The following LRP1B variants were observed in gnomAD, a reference collection of about 807,000 sequenced individuals.
LRP1B encodes the protein low-density lipoprotein receptor-related protein 1B.
Under a neutral mutation model 556.6 loss-of-function variants are expected in LRP1B, and 217 were observed. The ratio of observed to expected loss-of-function variants is 0.39; its 90% CI spans 0.35 to 0.44. LRP1B has a LOEUF of 0.44. Ranked by LOEUF, LRP1B falls within the 20% of genes least tolerant of loss-of-function variation. LRP1B has a pLI of 1.00. For missense variants in LRP1B, 5,053 were observed against 5,620.8 expected (o/e 0.90, Z 3.23); for synonymous variants, 2,047 against 1,865.8 (o/e 1.10, Z -2.50).
chr2:140,754,219 G>A (rs756980328), intron 35 of LRP1B, among the ~76,000 whole-genome samples: 5 of 152,180 alleles, frequency 3.3e-5, no homozygotes, highest in Non-Finnish European at 5.9e-5. Flanking sequence ...AGAGCAGGCT[G>A]CAGTTTTACG....
chr2:141,577,545 A>G (rs543295347), intron 2 of LRP1B, among the ~76,000 whole-genome samples: 15 of 152,332 alleles, frequency 9.8e-5, no homozygotes, highest in African/African-American at 3.6e-4. Flanking sequence ...GTACCATGAC[A>G]CAAGTAACTT....
chr2:141,399,281 C>T lies in LRP1B; in HGVS notation c.343+81115G>A, dbSNP rs1231424784. ...GAAATAAATAAATAAAGCCAAATTC[C>T]ATCTCATTTTAATGTTAAAATCCCA... On this transcript the variant is annotated intron_variant, in intron 3 of 90. Transcript: ENST00000389484. Among the ~76,000 whole-genome samples, 3 of 151,924 alleles carry T rather than the reference C, an allele frequency of 2.0e-5. No individual in the cohort carries two copies. In the South Asian group the frequency reaches 6.2e-4, roughly 31 times the overall value.
At chr2:141,817,077 A>AAT (rs1284780752) in intron 1 of LRP1B, among the ~76,000 whole-genome samples, 3 of 152,182 alleles carry the variant, frequency 2.0e-5, no homozygotes, top group Non-Finnish European at 4.4e-5. Flanking sequence ...ATTACTTAAA[A>AAT]ATATATCCAC....
intron 3 of LRP1B, among the ~76,000 whole-genome samples, chr2:141,298,655 G>T (rs768122926): frequency 5.3e-5 from 8 of 151,998 alleles, no homozygotes; most frequent in Non-Finnish European, 8.8e-5. Context: ...GCCTTTCTCT[G>T]TAATAAACTG....
intron 82 of LRP1B, among the ~76,000 whole-genome samples, chr2:140,318,657 C>G (rs537498739): frequency 2.0e-5 from 3 of 152,092 alleles, no homozygotes; most frequent in Admixed American, 2.0e-4. Context: ...TTTCCAATAA[C>G]TCTGGAAATG....
intron 84 of LRP1B, among the ~76,000 whole-genome samples, chr2:140,282,460 C>CT (rs2104968171): frequency 6.6e-6 from 1 of 151,882 alleles, no homozygotes; most frequent in African/African-American, 2.4e-5. Flanking sequence ...AGGATAAACT[C>CT]TTATTTTTCA....
chr2:141,089,186 G>T (rs536979472), intron 7 of LRP1B, among the ~76,000 whole-genome samples: 2 of 152,250 alleles, frequency 1.3e-5, no homozygotes, highest in South Asian at 4.1e-4. Context: ...AATATACACA[G>T]CCACCCTTCA....
chr2:140,460,161 A>C (rs1687258884), intron 60 of LRP1B, among the ~76,000 whole-genome samples: 1 of 152,146 alleles, frequency 6.6e-6, no homozygotes, highest in Admixed American at 6.5e-5. Flanking sequence ...AGTAAATAAA[A>C]GTACTGGTAT....
chr2:140,577,888 C>T (rs917477954), intron 43 of LRP1B, among the ~76,000 whole-genome samples: 2 of 152,046 alleles, frequency 1.3e-5, no homozygotes, highest in Non-Finnish European at 2.9e-5. Flanking sequence ...CTTAAAAAAT[C>T]TTAATGGAAA....
intron 43 of LRP1B, among the ~76,000 whole-genome samples, chr2:140,576,833 C>A (rs10188432): frequency 0.038 from 5,715 of 152,276 alleles, 167 homozygotes; most frequent in South Asian, 0.057. Context: ...TCATTCTATA[C>A]TTCCAAAAGT....
rs1298286350 is a variant in LRP1B at position 141,985,524 on chromosome 2, G to A, written c.82+145124C>T. Among the ~76,000 whole-genome samples, 5 of 151,326 alleles carry A rather than the reference G, an allele frequency of 3.3e-5. No homozygotes were observed. In the East Asian group the frequency reaches 5.8e-4, roughly 18 times the overall value. On this transcript the variant is annotated intron_variant, in intron 1 of 90. Coordinates refer to ENST00000389484, the MANE Select transcript of LRP1B (RefSeq NM_018557.3). ...GAGAATTTTTATTTTTTTGGGGGGG[G>A]TATCTTTTCCATATTCACATCAGTT...
At chr2:141,053,438 C>A (rs1298560281) in intron 10 of LRP1B, among the ~76,000 whole-genome samples, 1 of 151,926 alleles carries the variant, frequency 6.6e-6, no homozygotes, top group Non-Finnish European at 1.5e-5. Context: ...AACTCTACAT[C>A]TGATAGTTGT....
At chr2:140,932,548 T>G (rs1695080054) in intron 20 of LRP1B, among the ~76,000 whole-genome samples, 1 of 152,066 alleles carries the variant, frequency 6.6e-6, no homozygotes, top group Non-Finnish European at 1.5e-5. Flanking sequence ...TGTTTGTGAT[T>G]CACAGAACAT....
intron 83 of LRP1B, among the ~76,000 whole-genome samples, chr2:140,311,451 A>C (rs1208783256): frequency 6.6e-6 from 1 of 151,504 alleles, no homozygotes; most frequent in Non-Finnish European, 1.5e-5. Flanking sequence ...ACCTGTTCTT[A>C]CTTATAAATA....
At chr2:141,206,454 G>A (rs2105238662) in intron 6 of LRP1B, among the ~76,000 whole-genome samples, 1 of 152,006 alleles carries the variant, frequency 6.6e-6, no homozygotes, top group Non-Finnish European at 1.5e-5. Context: ...GCGTGGTGGC[G>A]GGCGCCTGTA....
At chr2:140,535,463 C>T (rs1422111660) in intron 46 of LRP1B, among the ~76,000 whole-genome samples, 3 of 152,068 alleles carry the variant, frequency 2.0e-5, no homozygotes, top group African/African-American at 4.8e-5. Flanking sequence ...TGTCTTGTAA[C>T]GTAAAAGAGT....
At chr2:141,238,675 A>G (rs962518965) in intron 5 of LRP1B, among the ~76,000 whole-genome samples, 1 of 152,142 alleles carries the variant, frequency 6.6e-6, no homozygotes, top group Admixed American at 6.6e-5. Context: ...TGAGTAACGT[A>G]TAGGAGTAAT....
chr2:141,495,201 G>A (rs1480808854), intron 2 of LRP1B, among the ~76,000 whole-genome samples: 2 of 152,126 alleles, frequency 1.3e-5, no homozygotes, highest in African/African-American at 4.8e-5. Flanking sequence ...AAGCTGGTCA[G>A]CTTTACAATG....
chr2:141,123,440 A>C (rs1484264695), intron 7 of LRP1B, among the ~76,000 whole-genome samples: 1 of 152,008 alleles, frequency 6.6e-6, no homozygotes, highest in African/African-American at 2.4e-5. Context: ...ATGATTTATT[A>C]ATCTGGTATC....
Sources: allele counts gnomAD v4.1 joint callset (sites outside exome capture counted in the v4.1 genomes callset), GRCh38; gene constraint gnomAD v4.1.1; transcripts MANE v1.5; gene names NCBI Gene and HGNC (gene_info 2026-07-23, HGNC 2026-07-21).